The following LRBA variants were observed in gnomAD, a reference collection of about 807,000 sequenced individuals.
LRBA encodes lipopolysaccharide-responsive and beige-like anchor protein.
A neutral mutation model predicts 330.0 loss-of-function variants in LRBA; 176 were observed. That is an observed-to-expected ratio of 0.53 (90% CI 0.47 to 0.60). LRBA has a LOEUF of 0.60. Ranked by LOEUF, LRBA falls within the 20% of genes least tolerant of loss-of-function variation. The pLI is 0.00. For synonymous variants in LRBA, 1,230 were observed against 1,193.0 expected, an observed-to-expected ratio of 1.03 and a Z score of -0.64; for missense variants, 3,259 against 3,444.8, an observed-to-expected ratio of 0.95 and a Z score of 1.35.
chr4:150,281,262 C>T (rs1472696875), intron 55 of LRBA, among the ~76,000 whole-genome samples: 1 of 152,028 alleles, frequency 6.6e-6, no homozygotes, highest in Non-Finnish European at 1.5e-5. Context: ...GGTTTAAATG[C>T]AGCATTATGG....
At chr4:150,968,561 C>G (rs2149581439) in intron 2 of LRBA, among the ~76,000 whole-genome samples, 1 of 152,348 alleles carries the variant, frequency 6.6e-6, no homozygotes. Context: ...GGCCCTAACT[C>G]TCTTCAATTT....
chr4:150,637,204 C>T (rs1224554749), intron 37 of LRBA, among the ~76,000 whole-genome samples: 1 of 151,950 alleles, frequency 6.6e-6, no homozygotes, highest in African/African-American at 2.4e-5. Context: ...CTTTCCACAT[C>T]GTGTTACAGT....
In LRBA at chr4:150,914,350, GA is replaced by G. The variant is rs753223643; in HGVS notation, c.1015-10del. 40,591 of 858,622 alleles carry G rather than the reference GA, an allele frequency of 0.047. 46 individuals are homozygous for G. The highest frequency in any genetic ancestry group is 0.085 in the South Asian group (2,831 of 33,232). The allele number at this position is 858,622 out of a possible 1,614,324, so 53.2% of individuals were successfully genotyped here. A position where few individuals can be genotyped will look rare whatever the true frequency, so the allele number is the denominator to read the frequency against. On this transcript the variant is annotated splice_polypyrimidine_tract_variant and intron_variant, in intron 8 of 56. Coordinates refer to ENST00000651943, the MANE Select transcript of LRBA (RefSeq NM_001364905.1). ...AAACATTTGTCAAAGGTCTGTAAAA[GA>G]AAAAAAAAAAGGAATTAGGAAAAAA...
chr4:150,978,883 CAAG>C (rs1740519047), intron 2 of LRBA, among the ~76,000 whole-genome samples: 1 of 151,934 alleles, frequency 6.6e-6, no homozygotes, highest in South Asian at 2.1e-4. Context: ...AGCATGCCTA[CAAG>C]ATCTAGAAAA....
At chr4:150,589,379 C>A (rs780705420) in intron 39 of LRBA, among the ~76,000 whole-genome samples, 3 of 152,104 alleles carry the variant, frequency 2.0e-5, no homozygotes, top group Non-Finnish European at 4.4e-5. Flanking sequence ...GCAGGTTTTG[C>A]CCTCTATTCC....
intron 34 of LRBA, among the ~76,000 whole-genome samples, chr4:150,778,530 A>T (rs1737735494): frequency 6.6e-6 from 1 of 152,152 alleles, no homozygotes; most frequent in Admixed American, 6.5e-5. Flanking sequence ...AAAAATCTGT[A>T]TTTACAGTTT....
Position 150,362,507 on chromosome 4 carries a change from C to G in LRBA, c.7195-12348G>C, listed in dbSNP as rs9992029. On this transcript the variant is annotated intron_variant, in intron 47 of 56. Transcript: ENST00000651943. Reference sequence around the variant, plus strand: ...CTCCTTTCCCTAAAGCAGTGGATCTCCAACTTTAACACACACCAAAATTAG... The same window carrying G: ...CTCCTTTCCCTAAAGCAGTGGATCTGCAACTTTAACACACACCAAAATTAG... Among the ~76,000 whole-genome samples, 900 of 152,276 alleles carry G rather than the reference C, an allele frequency of 5.9e-3. 12 individuals carry two copies. The highest frequency in any genetic ancestry group is 0.021 in the African/African-American group (856 of 41,558).
intron 46 of LRBA, among the ~76,000 whole-genome samples, chr4:150,434,641 A>G (rs1437144324): frequency 6.6e-6 from 1 of 152,092 alleles, no homozygotes; most frequent in African/African-American, 2.4e-5. Flanking sequence ...AGATCGCGTA[A>G]GACAGTTCAA....
chr4:150,397,232 T>C (rs1436730059), intron 47 of LRBA, among the ~76,000 whole-genome samples: 1 of 152,214 alleles, frequency 6.6e-6, no homozygotes. Context: ...GTAATTTTCC[T>C]CTCATTAAGT....
chr4:150,347,876 T>C (rs776294920), intron 48 of LRBA, among the ~76,000 whole-genome samples: 1 of 152,184 alleles, frequency 6.6e-6, no homozygotes, highest in South Asian at 2.1e-4. Flanking sequence ...TGATCACATA[T>C]GCTGAACTCA....
intron 36 of LRBA, among the ~76,000 whole-genome samples, chr4:150,708,255 T>G (rs146645270): frequency 6.6e-6 from 1 of 151,986 alleles, no homozygotes; most frequent in East Asian, 1.9e-4. Flanking sequence ...CAGAGATAAC[T>G]CAATTCTGTT....
intron 31 of LRBA, among the ~76,000 whole-genome samples, chr4:150,815,737 T>C (rs1223870278): frequency 6.6e-6 from 1 of 151,880 alleles, no homozygotes; most frequent in Non-Finnish European, 1.5e-5. Flanking sequence ...AAAATCAAAA[T>C]TGCCAGTAGC....
At chr4:150,286,095 A>C (rs1748101117) in intron 53 of LRBA, 61 bp from the exon 54 acceptor site, 5 of 1,139,742 alleles carry the variant, frequency 4.4e-6, no homozygotes. Flanking sequence ...TTAAATAATC[A>C]ACAACTTGCT....
chr4:150,423,167 C>G, intron 46 of LRBA: 1 of 1,257,278 alleles, frequency 8.0e-7, no homozygotes, highest in South Asian at 1.2e-5. Context: ...GGGGCAGGGT[C>G]CCTCCGGTCC....
chr4:150,398,773 T>C (rs1415685484), intron 47 of LRBA, among the ~76,000 whole-genome samples: 1 of 152,072 alleles, frequency 6.6e-6, no homozygotes, highest in East Asian at 1.9e-4. Flanking sequence ...ACTACCGGCA[T>C]GTGCTACCAC....
chr4:150,928,043 T>A (rs1734069782), intron 4 of LRBA, among the ~76,000 whole-genome samples: 2 of 152,186 alleles, frequency 1.3e-5, no homozygotes, highest in Admixed American at 6.5e-5. Context: ...ATAAGGCACC[T>A]GGGGTTCAAA....
chr4:150,744,320 G>A (rs1462824411), intron 35 of LRBA, among the ~76,000 whole-genome samples: 1 of 152,088 alleles, frequency 6.6e-6, no homozygotes, highest in Non-Finnish European at 1.5e-5. Context: ...ATTAGTCAAT[G>A]GCACACTATC....
chr4:150,831,764 T>C (rs1747227668), intron 29 of LRBA, 53 bp downstream of exon 29: 2 of 1,370,410 alleles, frequency 1.5e-6, no homozygotes, highest in Non-Finnish European at 2.0e-6. Flanking sequence ...CCATCAAAAG[T>C]AAGTAACATT....
At chr4:150,506,477 C>T (rs1761103502) in intron 40 of LRBA, among the ~76,000 whole-genome samples, 1 of 152,134 alleles carries the variant, frequency 6.6e-6, no homozygotes, top group African/African-American at 2.4e-5. Context: ...AGACAAAAAC[C>T]ACATGATTAT....
Sources: allele counts gnomAD v4.1 joint callset (sites outside exome capture counted in the v4.1 genomes callset), GRCh38; gene constraint gnomAD v4.1.1; transcripts MANE v1.5; gene names NCBI Gene and HGNC (gene_info 2026-07-23, HGNC 2026-07-21).